Variants in PHF24 observed in about 807,000 individuals in gnomAD.
PHF24 encodes the protein PHD finger protein 24, also known as Galpha inhibitory interacting protein.
Under a neutral mutation model 42.6 loss-of-function variants are expected in PHF24, and 25 were observed. The observed-to-expected ratio is 0.59, with a 90% CI of 0.43 to 0.82. The LOEUF (loss-of-function observed/expected upper bound fraction) is 0.82, where lower values mean the gene tolerates loss of function less well. Ranked by LOEUF, PHF24 falls within the 40% of genes least tolerant of loss-of-function variation. The pLI is 0.00. For synonymous variants in PHF24, 185 were observed against 204.8 expected (o/e 0.90, Z 0.83); for missense variants, 470 against 538.1 (o/e 0.87, Z 1.25).
chr9:34,832,957 A>T, the PHF24 span: 3 of 1,551,692 alleles, frequency 1.9e-6, no homozygotes, highest in Non-Finnish European at 2.6e-6. Flanking sequence ...ACTGAGGGTG[A>T]TGCTGGGGGC....
the PHF24 span, among the ~76,000 whole-genome samples, chr9:34,885,153 T>A: frequency 6.6e-6 from 1 of 152,238 alleles, no homozygotes; most frequent in Non-Finnish European, 1.5e-5. Flanking sequence ...TTGGGGATGC[T>A]TTAGGCAAAT....
the PHF24 span, among the ~76,000 whole-genome samples, chr9:34,822,540 T>C: frequency 6.6e-6 from 1 of 152,238 alleles, no homozygotes; most frequent in African/African-American, 2.4e-5. Context: ...TTAGCAGTCA[T>C]TTCTCATTCC....
At chr9:34,725,863 A>G in the PHF24 span, 3 of 1,551,848 alleles carry the variant, frequency 1.9e-6, no homozygotes, top group Non-Finnish European at 2.6e-6. Context: ...GCTTGGGCAC[A>G]TTTTCAATCT....
the PHF24 span, among the ~76,000 whole-genome samples, chr9:34,841,290 C>T: frequency 3.9e-5 from 6 of 152,092 alleles, no homozygotes; most frequent in Admixed American, 6.5e-5. Context: ...TGAGCCACCG[C>T]GCCCAGCCAG....
chr9:34,907,815 GTTTT>G, the PHF24 span, among the ~76,000 whole-genome samples: 4,167 of 151,448 alleles, frequency 0.028, 188 homozygotes, highest in African/African-American at 0.096. Context: ...TTGGGGTTTT[GTTTT>G]TTGTTTTTTG....
At chr9:34,981,076 A>T (rs1405597567) in exon 8 of PHF24, 1 of 152,302 alleles carries the variant, frequency 6.6e-6, no homozygotes, top group African/African-American at 2.4e-5. Flanking sequence ...CCCCTAGAGT[A>T]TCCCAGGGAT....
chr9:34,723,144 C>T, the PHF24 span: 2 of 1,438,552 alleles, frequency 1.4e-6, no homozygotes, highest in Non-Finnish European at 9.2e-7. Flanking sequence ...AGGGCTGCAG[C>T]AGTTGGGGAG....
At chr9:34,687,672 G>A in the PHF24 span, among the ~76,000 whole-genome samples, 1 of 152,186 alleles carries the variant, frequency 6.6e-6, no homozygotes, top group Non-Finnish European at 1.5e-5. Context: ...GTGTTCCTCC[G>A]ATAGTCCAGA....
upstream of PHF24, among the ~76,000 whole-genome samples, chr9:34,955,377 A>T (rs2132828612): frequency 6.7e-6 from 1 of 148,696 alleles, no homozygotes; most frequent in African/African-American, 2.5e-5. Context: ...GACAGTTAAG[A>T]GTGGTTGGTA....
chr9:34,935,587 T>C, the PHF24 span, among the ~76,000 whole-genome samples: 8 of 88,932 alleles, frequency 9.0e-5, no homozygotes, highest in East Asian at 2.8e-3. Flanking sequence ...GAGCGAGACT[T>C]CATCTGAAAA....
chr9:34,702,848 G>A, the PHF24 span, among the ~76,000 whole-genome samples: 1 of 152,164 alleles, frequency 6.6e-6, no homozygotes, highest in Admixed American at 6.5e-5. Context: ...GAAAAAAAGA[G>A]AGTTGGCAAT....
the PHF24 span, among the ~76,000 whole-genome samples, chr9:34,943,664 C>A: frequency 6.6e-6 from 1 of 152,208 alleles, no homozygotes; most frequent in Admixed American, 6.5e-5. Flanking sequence ...CTAGGGGATT[C>A]ATCACAGTAT....
At chr9:34,930,146 C>T in the PHF24 span, among the ~76,000 whole-genome samples, 1 of 152,116 alleles carries the variant, frequency 6.6e-6, no homozygotes, top group Non-Finnish European at 1.5e-5. Flanking sequence ...GGGCTTCATC[C>T]AAGCCTGAAG....
chr9:34,759,080 G>T, the PHF24 span, among the ~76,000 whole-genome samples: 3 of 152,076 alleles, frequency 2.0e-5, no homozygotes, highest in Admixed American at 1.3e-4. Flanking sequence ...TTTTTGTAGT[G>T]GACACAAATG....
chr9:34,727,277 A>G, the PHF24 span, among the ~76,000 whole-genome samples: 16 of 152,188 alleles, frequency 1.1e-4, no homozygotes, highest in Non-Finnish European at 2.1e-4. Context: ...ACCTTGTTGA[A>G]AAGCTGAACT....
the PHF24 span, chr9:34,893,280 T>C: frequency 9.7e-6 from 4 of 411,500 alleles, no homozygotes; most frequent in Non-Finnish European, 1.7e-5. Flanking sequence ...TCTTGTTGTC[T>C]ACCTCCCTGT....
At chr9:34,791,986 G>A in the PHF24 span, among the ~76,000 whole-genome samples, 3 of 152,170 alleles carry the variant, frequency 2.0e-5, no homozygotes, top group African/African-American at 7.2e-5. Context: ...GTAGAATAAA[G>A]GAAGCACTTT....
chr9:34,754,592 T>C, the PHF24 span, among the ~76,000 whole-genome samples: 2 of 152,134 alleles, frequency 1.3e-5, no homozygotes, highest in Non-Finnish European at 2.9e-5. Context: ...AAGGAACCCT[T>C]GTACACTGTT....
chr9:34,953,562 C>A (rs1236323983), upstream of PHF24, among the ~76,000 whole-genome samples: 1 of 152,170 alleles, frequency 6.6e-6, no homozygotes, highest in East Asian at 1.9e-4. The surrounding 1 kb of genome is among the most constrained non-coding windows in gnomAD (Gnocchi z 4.1). Flanking sequence ...GATGTCAACA[C>A]CATTTTAGTA....
Sources: gnomAD v4.1 joint callset for allele counts (sites outside exome capture counted in the v4.1 genomes callset) on GRCh38, gnomAD v4.1.1 for gene constraint, Gnocchi (gnomAD v3.1) non-coding constraint, MANE v1.5 for transcripts, NCBI Gene and HGNC (gene_info 2026-07-23, HGNC 2026-07-21) for gene names.